Variants in NDST4 observed in about 807,000 individuals in gnomAD.
NDST4 encodes the protein N-heparan sulfate sulfotransferase 4.
A neutral mutation model predicts 100.8 loss-of-function variants in NDST4; 63 were observed. That is an observed-to-expected ratio of 0.62 (90% CI 0.51 to 0.77). NDST4 has a LOEUF of 0.77. Among genes scored for constraint, NDST4 ranks in the 30% least tolerant of loss-of-function variants. NDST4 has a pLI of 0.00. For missense variants in NDST4, 943 were observed against 1,018.4 expected (o/e 0.93, Z 1.01); for synonymous variants, 377 against 361.8 (o/e 1.04, Z -0.48).
intron 6 of NDST4, among the ~76,000 whole-genome samples, chr4:114,906,749 AT>A (rs1322294492): frequency 6.6e-6 from 1 of 152,004 alleles, no homozygotes; most frequent in Non-Finnish European, 1.5e-5. Flanking sequence ...ATATGAAGAT[AT>A]ATTTATAATG....
intron 2 of NDST4, among the ~76,000 whole-genome samples, chr4:114,991,315 G>A (rs1436891314): frequency 6.6e-6 from 1 of 151,902 alleles, no homozygotes; most frequent in Non-Finnish European, 1.5e-5. Flanking sequence ...TAACCAAAAG[G>A]GCCTTGTGGA....
intron 11 of NDST4, 29 bp downstream of exon 11, chr4:114,839,321 TAAAATTTCAGGACATTATAATAAAATAA>T: frequency 6.8e-7 from 1 of 1,461,154 alleles, no homozygotes; most frequent in Non-Finnish European, 9.3e-7. Flanking sequence ...TAATAAAATA[TAAAATTTCAGGACATTATAATAAAATAA>T]ACAGAAGAAA....
chr4:115,034,208 T>G (rs1728184024), intron 2 of NDST4, among the ~76,000 whole-genome samples: 1 of 152,064 alleles, frequency 6.6e-6, no homozygotes, highest in African/African-American at 2.4e-5. Context: ...GTTAATTACA[T>G]TCTCTGAAGG....
intron 4 of NDST4, among the ~76,000 whole-genome samples, chr4:114,944,789 A>G (rs561596132): frequency 6.6e-6 from 1 of 152,328 alleles, no homozygotes; most frequent in Admixed American, 6.5e-5. Flanking sequence ...GGGCAAACAT[A>G]TCCGAAAGCT....
chr4:114,839,017 G>T (rs1343245142), intron 11 of NDST4, among the ~76,000 whole-genome samples: 7 of 152,036 alleles, frequency 4.6e-5, no homozygotes, highest in Non-Finnish European at 8.8e-5. Context: ...TGTCTAACTG[G>T]CTATTGTACT....
chr4:114,862,641 G>T (rs1160715645), intron 7 of NDST4, among the ~76,000 whole-genome samples: 1 of 151,982 alleles, frequency 6.6e-6, no homozygotes, highest in African/African-American at 2.4e-5. Context: ...ACATGTCTTT[G>T]GCATTCTAAT....
rs748101155 is a variant in NDST4, at chr4:114,935,332, G to C, written c.1410C>G (p.Val470=). ...RKGFIHNSIM[V]LPRQTCGLFT... ...ACAACCCACAAGTCTGTCGAGGGAG[G>C]ACCTGAGTAAAAAAGGGGAAAAACA... The change falls in exon 6 of 14, where the codon GTC becomes GTG. Residue 470 remains valine (V), a splice_region_variant and synonymous_variant. Transcript: ENST00000264363. 8.2e-6 allele frequency: 13 copies of C among 1,578,948 alleles called. No homozygotes were observed. The Admixed American group carries it at 2.4e-4, about 29-fold the overall frequency.
At chr4:114,979,988 C>A (rs1217409040) in intron 2 of NDST4, among the ~76,000 whole-genome samples, 2 of 151,754 alleles carry the variant, frequency 1.3e-5, no homozygotes, top group East Asian at 3.9e-4. Flanking sequence ...AATGAATATA[C>A]ACAAAATGAT....
intron 7 of NDST4, among the ~76,000 whole-genome samples, chr4:114,868,853 C>A (rs1039596916): frequency 6.6e-6 from 1 of 150,954 alleles, no homozygotes; most frequent in African/African-American, 2.4e-5. Flanking sequence ...TCTATGTTAT[C>A]TTTTCTGAGT....
Position 114,984,142 on chromosome 4 carries a change from C to CTATT in NDST4, c.979-6872_979-6869dup, listed in dbSNP as rs148008819. ...TTATAGCAGTGTGAACAAACTAATACTATTTATTTATTTATTTATTTATTT... is the reference window on the plus strand; with the variant it reads ...TTATAGCAGTGTGAACAAACTAATACTATTTATTTATTTATTTATTTATTTATTT... On this transcript the variant is annotated intron_variant, in intron 2 of 13. Coordinates refer to ENST00000264363, the MANE Select transcript of NDST4 (RefSeq NM_022569.3). 6.9e-3 allele frequency among the ~76,000 whole-genome samples: 1,003 copies of CTATT among 145,968 alleles called. 5 individuals are homozygous for CTATT. Among genetic ancestry groups the CTATT allele is most frequent in the Admixed American group, 0.014 (197 of 14,536 alleles).
intron 6 of NDST4, among the ~76,000 whole-genome samples, chr4:114,880,047 G>A (rs185493534): frequency 2.1e-4 from 32 of 152,276 alleles, no homozygotes; most frequent in Admixed American, 4.6e-4. Context: ...TTCCTCAATA[G>A]AGAAGTTGGG....
At chr4:114,834,235 C>G (rs377219671) in intron 11 of NDST4, among the ~76,000 whole-genome samples, 456 of 152,106 alleles carry the variant, frequency 3.0e-3, no homozygotes, top group African/African-American at 8.7e-3. Flanking sequence ...TGGAAAAGGC[C>G]GGGCGCAGTG....
intron 6 of NDST4, among the ~76,000 whole-genome samples, chr4:114,906,142 T>A (rs1410274736): frequency 6.6e-6 from 1 of 151,980 alleles, no homozygotes; most frequent in African/African-American, 2.4e-5. Flanking sequence ...CTGAAAAGTA[T>A]TATTCTCAGT....
intron 6 of NDST4, among the ~76,000 whole-genome samples, chr4:114,911,157 G>T (rs1725053453): frequency 6.6e-6 from 1 of 152,120 alleles, no homozygotes; most frequent in South Asian, 2.1e-4. Flanking sequence ...AATATAAACA[G>T]TAAAACAGTT....
chr4:115,039,679 A>G (rs1728308561), intron 2 of NDST4, among the ~76,000 whole-genome samples: 1 of 152,144 alleles, frequency 6.6e-6, no homozygotes. Flanking sequence ...CTATACGACA[A>G]TGGATCAATC....
intron 11 of NDST4, among the ~76,000 whole-genome samples, chr4:114,834,311 C>G (rs1723264830): frequency 6.6e-6 from 1 of 151,888 alleles, no homozygotes; most frequent in Non-Finnish European, 1.5e-5. Flanking sequence ...GTCAGGAGTT[C>G]GAGACCAGCC....
rs72681451 is a variant in NDST4, at chr4:115,029,613, G to A, written c.978+46446C>T. ...TTTTTTAGTTTATGATGTGGGGGCCGTTAGAAGACAATGGAATAGGTTGAG... is the reference window on the plus strand; with the variant it reads ...TTTTTTAGTTTATGATGTGGGGGCCATTAGAAGACAATGGAATAGGTTGAG... On this transcript the variant is annotated intron_variant, in intron 2 of 13. Transcript: ENST00000264363. 6.3e-3 allele frequency among the ~76,000 whole-genome samples: 956 copies of A among 152,156 alleles called. 9 individuals carry two copies. The highest frequency in any genetic ancestry group is 0.011 in the Non-Finnish European group (715 of 68,006).
At chr4:114,962,382 T>C in intron 4 of NDST4, among the ~76,000 whole-genome samples, 1 of 152,000 alleles carries the variant, frequency 6.6e-6, no homozygotes, top group East Asian at 1.9e-4. Context: ...TATTTGCACA[T>C]GACATAATCT....
intron 1 of NDST4, among the ~76,000 whole-genome samples, chr4:115,083,768 C>T (rs1049611475): frequency 6.6e-6 from 1 of 152,112 alleles, no homozygotes; most frequent in Non-Finnish European, 1.5e-5. Flanking sequence ...TTGTTCAGCA[C>T]TCATTCTCTC....
Sources: allele counts gnomAD v4.1 joint callset (sites outside exome capture counted in the v4.1 genomes callset), GRCh38; gene constraint gnomAD v4.1.1; transcripts MANE v1.5; gene names NCBI Gene and HGNC (gene_info 2026-07-23, HGNC 2026-07-21).